CD96: variants seen among roughly 807,000 people sequenced by gnomAD.
The protein encoded by CD96 is T-cell surface protein tactile.
Under a neutral mutation model 71.3 loss-of-function variants are expected in CD96, and 70 were observed. The ratio of observed to expected loss-of-function variants is 0.98; its 90% CI spans 0.81 to 1.20. The LOEUF (loss-of-function observed/expected upper bound fraction) is 1.20, where lower values mean the gene tolerates loss of function less well. Among genes scored for constraint, CD96 ranks in the 50% most tolerant of loss-of-function variants. The pLI is 0.00. For missense variants in CD96, 742 were observed against 677.5 expected (o/e 1.10, Z -1.06); for synonymous variants, 248 against 233.0 (o/e 1.06, Z -0.59).
chr3:111,636,841 C>T (rs751922570), intron 10 of CD96, among the ~76,000 whole-genome samples: 14 of 152,274 alleles, frequency 9.2e-5, no homozygotes, highest in African/African-American at 2.6e-4. Context: ...GACTAAACGC[C>T]GCCATAACAC....
At chr3:111,583,697 C>G (rs1489392535) in intron 4 of CD96, among the ~76,000 whole-genome samples, 1 of 152,226 alleles carries the variant, frequency 6.6e-6, no homozygotes. Context: ...CTTTTAGAAG[C>G]AATGGCCCAA....
chr3:111,663,164 G>T (rs1427619664), intron 14 of CD96, among the ~76,000 whole-genome samples: 1 of 152,222 alleles, frequency 6.6e-6, no homozygotes, highest in East Asian at 1.9e-4. Flanking sequence ...AAACAAAAAA[G>T]TGAGTAGTAC....
At chr3:111,594,037 A>G in intron 5 of CD96, 1 of 1,614,156 alleles carries the variant, frequency 6.2e-7, no homozygotes, top group South Asian at 1.1e-5. Flanking sequence ...CCCATGCCTC[A>G]GAGAACCGGG....
At chr3:111,584,036 C>T (rs1404475560) in intron 4 of CD96, among the ~76,000 whole-genome samples, 1 of 152,226 alleles carries the variant, frequency 6.6e-6, no homozygotes, top group Non-Finnish European at 1.5e-5. Flanking sequence ...TGCTCTGCTT[C>T]CCTTATAAAA....
chr3:111,545,196 A>G lies in CD96; in HGVS notation c.212A>G (p.Tyr71Cys). ...VTNKIDLIAVYHPQYGFYCAY... is the reference protein window; with the variant it reads ...VTNKIDLIAVCHPQYGFYCAY... ...AATAAGATAGACCTGATTGCTGTCTATCATCCCCAATACGGCTTCTACTGT... is the reference window on the plus strand; with the variant it reads ...AATAAGATAGACCTGATTGCTGTCTGTCATCCCCAATACGGCTTCTACTGT... The change falls in exon 2 of 14, where the codon TAT becomes TGT. Residue 71 changes from tyrosine (Y) to cysteine (C), a missense_variant. Coordinates refer to ENST00000352690, the MANE Select transcript of CD96 (RefSeq NM_005816.5). The G allele has an allele frequency of 6.2e-7, 1 of 1,614,222 alleles. No individual in the cohort carries two copies.
chr3:111,555,751 A>C (rs1241463271), intron 2 of CD96, among the ~76,000 whole-genome samples: 1 of 152,300 alleles, frequency 6.6e-6, no homozygotes, highest in Non-Finnish European at 1.5e-5. Context: ...TGTCCTATTC[A>C]GGTTTTGTTA....
intron 2 of CD96, among the ~76,000 whole-genome samples, chr3:111,560,263 G>A (rs1935316792): frequency 6.6e-6 from 1 of 151,594 alleles, no homozygotes; most frequent in Non-Finnish European, 1.5e-5. Flanking sequence ...GATGTTAGCT[G>A]GTGATTTTGC....
chr3:111,607,516 A>G (rs1307136803), intron 8 of CD96, among the ~76,000 whole-genome samples: 2 of 152,236 alleles, frequency 1.3e-5, no homozygotes, highest in Non-Finnish European at 2.9e-5. Flanking sequence ...GTGTCTAACA[A>G]AGAACCATGG....
At chr3:111,566,559 A>G (rs545484513) in intron 2 of CD96, among the ~76,000 whole-genome samples, 1 of 152,280 alleles carries the variant, frequency 6.6e-6, no homozygotes, top group Admixed American at 6.5e-5. Flanking sequence ...TGCAAACAAG[A>G]TTTGAATATA....
At chr3:111,593,677 T>A in intron 5 of CD96, 2 of 1,612,274 alleles carry the variant, frequency 1.2e-6, no homozygotes, top group East Asian at 4.5e-5. Flanking sequence ...GCTCCCTTTT[T>A]TCCACAGCCC....
chr3:111,614,355 G>A (rs1016011184), intron 8 of CD96, among the ~76,000 whole-genome samples: 2 of 152,240 alleles, frequency 1.3e-5, no homozygotes, highest in South Asian at 2.1e-4. Context: ...GGGAGAGGTA[G>A]GTAAGGAAGG....
intron 8 of CD96, among the ~76,000 whole-genome samples, chr3:111,619,750 G>A (rs1938429193): frequency 6.6e-6 from 1 of 152,176 alleles, no homozygotes. Flanking sequence ...TTAATTCTCT[G>A]CATGATATCA....
At chr3:111,621,546 GAA>G (rs1337397255) in intron 8 of CD96, among the ~76,000 whole-genome samples, 1 of 152,198 alleles carries the variant, frequency 6.6e-6, no homozygotes, top group African/African-American at 2.4e-5. Flanking sequence ...ACAGAATTTT[GAA>G]AAGAGGTAAC....
intron 2 of CD96, among the ~76,000 whole-genome samples, chr3:111,555,705 C>T (rs1284262002): frequency 6.6e-6 from 1 of 152,288 alleles, no homozygotes; most frequent in Non-Finnish European, 1.5e-5. Flanking sequence ...TGTCTTTTGG[C>T]TTTCAGAAGT....
intron 7 of CD96, among the ~76,000 whole-genome samples, chr3:111,604,056 A>T (rs1408610281): frequency 1.3e-5 from 2 of 152,186 alleles, no homozygotes; most frequent in Non-Finnish European, 2.9e-5. Context: ...CCTCAAAGAA[A>T]CATATTCTGC....
chr3:111,625,479 G>A (rs1039680655), intron 10 of CD96, among the ~76,000 whole-genome samples: 1 of 152,054 alleles, frequency 6.6e-6, no homozygotes, highest in African/African-American at 2.4e-5. Flanking sequence ...AAAAATAAAT[G>A]GAACTTAAGT....
At chr3:111,631,467 A>T (rs534870044) in intron 10 of CD96, among the ~76,000 whole-genome samples, 1 of 152,218 alleles carries the variant, frequency 6.6e-6, no homozygotes, top group Admixed American at 6.5e-5. Flanking sequence ...TTCAAGAACT[A>T]CAAGCCACTG....
At chr3:111,560,107 C>A (rs966592036) in intron 2 of CD96, among the ~76,000 whole-genome samples, 1 of 149,076 alleles carries the variant, frequency 6.7e-6, no homozygotes, top group African/African-American at 2.5e-5. Context: ...TGTGTCTCTG[C>A]ACGTGAGATG....
At chr3:111,609,361 G>T (rs1040414580) in intron 8 of CD96, among the ~76,000 whole-genome samples, 2 of 151,996 alleles carry the variant, frequency 1.3e-5, no homozygotes, top group African/African-American at 4.8e-5. Context: ...AAAGAAAGTG[G>T]TATTATTTAT....
Sources: allele counts gnomAD v4.1 joint callset (sites outside exome capture counted in the v4.1 genomes callset), GRCh38; gene constraint gnomAD v4.1.1; transcripts MANE v1.5; gene names NCBI Gene and HGNC (gene_info 2026-07-23, HGNC 2026-07-21).